Variants in CAMK2D observed in about 807,000 individuals in gnomAD.
The protein encoded by CAMK2D is calcium/calmodulin-dependent protein kinase type II subunit delta.
In CAMK2D, 37 loss-of-function variants were observed where a neutral mutation model predicts 84.0. The ratio of observed to expected loss-of-function variants is 0.44; its 90% CI spans 0.34 to 0.58. CAMK2D has a LOEUF of 0.58. CAMK2D is among the 20% of genes least tolerant of loss of function. CAMK2D has a pLI of 0.02. For missense variants in CAMK2D, 448 were observed against 652.5 expected (o/e 0.69, Z 3.41); for synonymous variants, 202 against 212.5 (o/e 0.95, Z 0.43).
At chr4:113,513,243 A>AT (rs1283447817) in intron 12 of CAMK2D, 85 bp downstream of exon 12, 4 of 1,577,676 alleles carry the variant, frequency 2.5e-6, no homozygotes, top group Non-Finnish European at 8.6e-7. Flanking sequence ...TAATTATTAG[A>AT]TTTTTAAAAT....
chr4:113,621,513 C>A (rs935175833), intron 3 of CAMK2D, among the ~76,000 whole-genome samples: 1 of 152,098 alleles, frequency 6.6e-6, no homozygotes, highest in Non-Finnish European at 1.5e-5. Context: ...AATATATTTA[C>A]GTCTATATTC....
chr4:113,715,069 A>G (rs1283954210), intron 2 of CAMK2D, among the ~76,000 whole-genome samples: 1 of 152,028 alleles, frequency 6.6e-6, no homozygotes, highest in Non-Finnish European at 1.5e-5. Context: ...ATCTTCTACA[A>G]CCTTTATTAG....
At chr4:113,739,505 A>G (rs997805796) in intron 2 of CAMK2D, among the ~76,000 whole-genome samples, 4 of 152,188 alleles carry the variant, frequency 2.6e-5, no homozygotes, top group African/African-American at 7.2e-5. Flanking sequence ...CCACTCAATT[A>G]AAAGAAAAAT....
chr4:113,709,782 T>TATATATATATATATATATATGA (rs1561971636), intron 2 of CAMK2D, among the ~76,000 whole-genome samples: 2 of 127,266 alleles, frequency 1.6e-5, no homozygotes, highest in Non-Finnish European at 3.3e-5. Flanking sequence ...TATATATATA[T>TATATATATATATATATATATGA]GAGAGACTTC....
intron 16 of CAMK2D, among the ~76,000 whole-genome samples, chr4:113,474,658 T>C (rs1241199554): frequency 6.6e-6 from 1 of 152,100 alleles, no homozygotes; most frequent in African/African-American, 2.4e-5. Context: ...TATTTGTTTA[T>C]TTTTTGAGAA....
chr4:113,515,046 A>C (rs2098267054), intron 10 of CAMK2D, 23 bp downstream of exon 10: 2 of 1,606,876 alleles, frequency 1.2e-6, no homozygotes, highest in East Asian at 4.5e-5. Flanking sequence ...TAGTTCTTGA[A>C]GTTTTGGAGA....
intron 17 of CAMK2D, among the ~76,000 whole-genome samples, chr4:113,462,912 C>G (rs200902754): frequency 6.6e-6 from 1 of 151,822 alleles, no homozygotes; most frequent in African/African-American, 2.4e-5. Context: ...ATGTATCTAA[C>G]AAGGATATAA....
chr4:113,713,295 T>C (rs2099499964), intron 2 of CAMK2D, among the ~76,000 whole-genome samples: 1 of 151,726 alleles, frequency 6.6e-6, no homozygotes, highest in South Asian at 2.1e-4. Context: ...TTTTTCTAGG[T>C]ATTATCAAAT....
intron 2 of CAMK2D, among the ~76,000 whole-genome samples, chr4:113,735,983 A>T (rs150492910): frequency 1.3e-3 from 204 of 152,262 alleles, no homozygotes; most frequent in African/African-American, 4.7e-3. Flanking sequence ...AGACTTAAAA[A>T]GGTTCCACCA....
chr4:113,517,787 A>C (rs2098304017), intron 8 of CAMK2D, 130 bp from the exon 9 acceptor site: 1 of 557,088 alleles, frequency 1.8e-6, no homozygotes, highest in African/African-American at 1.9e-5. Flanking sequence ...AAAACTTCAG[A>C]AAGATGTGTT....
At position 113,659,782 on chromosome 4, in the gene CAMK2D, G is replaced by C. The variant is rs142705901; in HGVS notation, c.220+1931C>G. Reference sequence around the variant, plus strand: ...CAAGAAATGCCATAAATTTTTGTCAGAGTAAAATGCTTCTAGAGAGGTAGA... The same window carrying C: ...CAAGAAATGCCATAAATTTTTGTCACAGTAAAATGCTTCTAGAGAGGTAGA... On this transcript the variant is annotated intron_variant, in intron 3 of 20. Transcript: ENST00000511664. Among the ~76,000 whole-genome samples the C allele has an allele frequency of 3.5e-4, 54 of 152,298 alleles. No homozygotes were observed. In the East Asian group the frequency reaches 8.9e-3, roughly 25 times the overall value.
chr4:113,451,267 G>A lies in CAMK2D; in HGVS notation c.*3278C>T, dbSNP rs1350494639. ...GCCTTCTGCTGAGACATTTGAGTCC[G>A]AGTATATCCTCAGCATTAACAGTAA... On this transcript the variant is annotated 3_prime_UTR_variant, in exon 21 of 21. Coordinates refer to ENST00000511664, the MANE Select transcript of CAMK2D (RefSeq NM_001321571.2). The A allele has an allele frequency of 1.3e-5, 2 of 152,050 alleles. No homozygotes were observed. Among genetic ancestry groups the A allele is most frequent in the Admixed American group, 1.3e-4 (2 of 15,266 alleles). 9.4% of individuals were successfully genotyped at this position (152,050 alleles called of 1,614,324 possible). A position where few individuals can be genotyped will look rare whatever the true frequency, so the allele number is the denominator to read the frequency against.
chr4:113,502,943 C>G lies in CAMK2D; in HGVS notation c.1079G>C (p.Gly360Ala). 6.2e-7 allele frequency: 1 copy of G among 1,604,004 alleles called. No individual in the cohort carries two copies. The highest frequency in any genetic ancestry group is 8.5e-7 in the Non-Finnish European group (1 of 1,170,988). Residue 360 changes from glycine (G) to alanine (A), a missense_variant, in exon 15 of 21, where the codon GGA becomes GCA. By Grantham distance (60) the Gly-to-Ala change is moderately conservative (BLOSUM62 0). Coordinates refer to ENST00000511664, the MANE Select transcript of CAMK2D (RefSeq NM_001321571.2). ...TTGATTCTTTCTGAATACCTTGTTTCCATCAGGGTTGTGGATTACAGTAGT... is the reference window on the plus strand; with the variant it reads ...TTGATTCTTTCTGAATACCTTGTTTGCATCAGGGTTGTGGATTACAGTAGT... ...PQTTVIHNPDGNKESTESSNT... is the reference protein window; with the variant it reads ...PQTTVIHNPDANKESTESSNT...
intron 2 of CAMK2D, among the ~76,000 whole-genome samples, chr4:113,730,535 A>G (rs764413403): frequency 5.9e-5 from 9 of 152,244 alleles, no homozygotes; most frequent in Admixed American, 2.0e-4. Context: ...CAATGTACAC[A>G]TATTGTTAGT....
rs746040732 is a variant in CAMK2D at position 113,513,811 on chromosome 4, A to G, written c.903+19T>C. 16 of 1,250,242 alleles carry G rather than the reference A, an allele frequency of 1.3e-5. No homozygotes were observed. The highest frequency in any genetic ancestry group is 1.6e-5 in the Non-Finnish European group (14 of 858,880). The allele number at this position is 1,250,242 out of a possible 1,614,324, so 77.4% of individuals were successfully genotyped here. On this transcript the variant is annotated intron_variant, in intron 11 of 20. Coordinates refer to ENST00000511664, the MANE Select transcript of CAMK2D (RefSeq NM_001321571.2). Reference sequence around the variant, plus strand: ...AGTCTGTCAAATCTACCTCCCCATAAAAATGTAAAATTTCTTACCTTTAGT... The same window carrying G: ...AGTCTGTCAAATCTACCTCCCCATAGAAATGTAAAATTTCTTACCTTTAGT...
chr4:113,523,430 T>C (rs1344223584), intron 8 of CAMK2D, among the ~76,000 whole-genome samples: 1 of 152,012 alleles, frequency 6.6e-6, no homozygotes, highest in Non-Finnish European at 1.5e-5. Context: ...TAACATTAAA[T>C]TTAAACACAT....
At chr4:113,577,692 C>T (rs1036339976) in intron 4 of CAMK2D, among the ~76,000 whole-genome samples, 1 of 151,858 alleles carries the variant, frequency 6.6e-6, no homozygotes, top group African/African-American at 2.4e-5. Context: ...TAATGTGACA[C>T]AACTGTGAGA....
At chr4:113,504,797 C>T (rs568869515) in intron 14 of CAMK2D, among the ~76,000 whole-genome samples, 179 bp downstream of exon 14, 1 of 141,312 alleles carries the variant, frequency 7.1e-6, no homozygotes, top group Non-Finnish European at 1.5e-5. Context: ...CCAAAAAAAA[C>T]CAAAAGAAAT....
chr4:113,720,521 TG>T (rs2148614226), intron 2 of CAMK2D, among the ~76,000 whole-genome samples: 1 of 152,162 alleles, frequency 6.6e-6, no homozygotes, highest in Admixed American at 6.6e-5. Context: ...TTAAGAAGAC[TG>T]GTGATTTGAA....
Sources: gnomAD v4.1 joint callset for allele counts (sites outside exome capture counted in the v4.1 genomes callset) on GRCh38, gnomAD v4.1.1 for gene constraint, MANE v1.5 for transcripts, NCBI Gene and HGNC (gene_info 2026-07-23, HGNC 2026-07-21) for gene names.